Variants in MKRN2OS observed in about 807,000 individuals in gnomAD.
MKRN2OS encodes the protein MKRN2 opposite strand.
A neutral mutation model predicts 18.2 loss-of-function variants in MKRN2OS; 17 were observed. The observed-to-expected ratio is 0.93, with a 90% confidence interval of 0.64 to 1.40. The LOEUF (loss-of-function observed/expected upper bound fraction) is 1.40. MKRN2OS is among the 40% of genes most tolerant of loss of function. MKRN2OS has a pLI of 0.00. For missense variants in MKRN2OS, 337 were observed against 283.0 expected (o/e 1.19, Z -1.37); for synonymous variants, 121 against 108.5 (o/e 1.12, Z -0.72).
At chr3:12,544,089 A>G (rs1249672373) in intron 1 of MKRN2OS, among the ~76,000 whole-genome samples, 2 of 152,110 alleles carry the variant, frequency 1.3e-5, no homozygotes, top group Non-Finnish European at 2.9e-5. Flanking sequence ...CAGTATGACC[A>G]AAACCTTTTA....
chr3:12,541,416 A>G (rs912847965), intron 3 of MKRN2OS, among the ~76,000 whole-genome samples: 24 of 152,106 alleles, frequency 1.6e-4, no homozygotes, highest in Non-Finnish European at 4.4e-5. Flanking sequence ...ACGGGGTTTT[A>G]CCATGTTGTC....
intron 1 of MKRN2OS, among the ~76,000 whole-genome samples, chr3:12,544,358 T>C (rs2057856987): frequency 1.3e-5 from 2 of 152,038 alleles, no homozygotes. Context: ...CCTAATCCTA[T>C]TGGTAAACTC....
At chr3:12,540,514 G>T in intron 3 of MKRN2OS, 81 bp from the exon 4 acceptor site, 1 of 1,507,344 alleles carries the variant, frequency 6.6e-7, no homozygotes, top group Non-Finnish European at 8.9e-7. Context: ...TTTCCTAACT[G>T]AAATCGGGTG....
chr3:12,559,824 A>G (rs932703069), intron 1 of MKRN2OS, among the ~76,000 whole-genome samples: 3 of 152,188 alleles, frequency 2.0e-5, no homozygotes, highest in Non-Finnish European at 4.4e-5. Context: ...ATTATAGCTT[A>G]GTAACCAGTT....
chr3:12,558,465 C>T (rs2058003775), intron 1 of MKRN2OS, among the ~76,000 whole-genome samples: 1 of 152,140 alleles, frequency 6.6e-6, no homozygotes, highest in African/African-American at 2.4e-5. Context: ...TGTATTCCTC[C>T]CCTCGCTCTA....
Position 12,540,160 on chromosome 3 carries a change from C to T in MKRN2OS, c.*33G>A, listed in dbSNP as rs1397154339. 2.0e-6 allele frequency: 3 copies of T among 1,535,820 alleles called. No homozygotes were observed. Among genetic ancestry groups the T allele is most frequent in the South Asian group, 2.4e-5 (2 of 84,050 alleles). ...CTGATTAAAGGTAGCAACCACCCTA[C>T]CCTCCAGCGTCCAGGCTGCGCTTAC... On this transcript the variant is annotated 3_prime_UTR_variant, in exon 4 of 4. Transcript: ENST00000564146.
At chr3:12,546,118 T>G (rs1437563969), upstream of MKRN2OS, among the ~76,000 whole-genome samples, 1 of 152,210 alleles carries the variant, frequency 6.6e-6, no homozygotes, top group African/African-American at 2.4e-5. Context: ...TCATTTAGTT[T>G]TGTTTCTCCC....
exon 2 of MKRN2OS, chr3:12,553,770 T>C (rs934217997): frequency 6.6e-6 from 1 of 152,158 alleles, no homozygotes; most frequent in African/African-American, 2.4e-5. Context: ...AGAAAATCGA[T>C]AACTAACTAC....
chr3:12,545,578 G>C, upstream of MKRN2OS: 1 of 798,336 alleles, frequency 1.3e-6, no homozygotes, highest in Non-Finnish European at 1.9e-6. Flanking sequence ...ATGTCATCCT[G>C]ACTGATGGCT....
intron 2 of MKRN2OS, among the ~76,000 whole-genome samples, chr3:12,542,733 AAC>A (rs1491514712): frequency 6.7e-6 from 1 of 148,812 alleles, no homozygotes; most frequent in Admixed American, 6.8e-5. Context: ...AAAAAAAAAA[AAC>A]ACTGCAGGCC....
At chr3:12,546,575 A>ATTTTTTTTTTTTTTTTTTTTTTTTTT (rs1160434615), upstream of MKRN2OS, among the ~76,000 whole-genome samples, 3 of 97,130 alleles carry the variant, frequency 3.1e-5, no homozygotes, top group African/African-American at 9.3e-5. Flanking sequence ...GGTACATGGG[A>ATTTTTTTTTTTTTTTTTTTTTTTTTT]TTTTTTTTTT....
chr3:12,553,466 C>T (rs998922546), downstream of MKRN2OS, among the ~76,000 whole-genome samples: 8 of 151,676 alleles, frequency 5.3e-5, no homozygotes, highest in African/African-American at 1.9e-4. Flanking sequence ...AAGATGTGTT[C>T]ATGGTAAAAA....
At chr3:12,556,657 G>A (rs1361324329) in intron 1 of MKRN2OS, among the ~76,000 whole-genome samples, 1 of 152,136 alleles carries the variant, frequency 6.6e-6, no homozygotes, top group East Asian at 1.9e-4. Context: ...TGGGAGGCGA[G>A]GTCCGGCGGG....
At position 12,545,422 on chromosome 3, in the gene MKRN2OS, G is replaced by A. The variant is rs1442690003; in HGVS notation, c.43C>T (p.His15Tyr). The A allele has an allele frequency of 2.6e-6, 4 of 1,534,952 alleles. No homozygotes were observed. Among genetic ancestry groups the A allele is most frequent in the South Asian group, 1.2e-5 (1 of 83,956 alleles). Reference protein sequence around the residue: ...EAGKALIKFNHCEKYIYSFSV... With the variant: ...EAGKALIKFNYCEKYIYSFSV... The stretch of plus-strand genomic sequence containing the variant: ...AAGCTGTAGATGTATTTCTCACAGT[G>A]GTTGAATTTAATTAAAGCCTTCCCA... The change falls in exon 1 of 4, where the codon CAC (histidine) becomes TAC (tyrosine). Residue 15 changes from histidine (H) to tyrosine (Y), a missense_variant. By Grantham distance (83) the His-to-Tyr change is moderately conservative. Transcript: ENST00000564146.
chr3:12,550,640 G>T (rs1448152555), downstream of MKRN2OS, among the ~76,000 whole-genome samples: 2 of 152,056 alleles, frequency 1.3e-5, no homozygotes, highest in African/African-American at 2.4e-5. Flanking sequence ...TTTCATTCCT[G>T]CTCTGAAGCT....
At position 12,543,220 on chromosome 3, in the gene MKRN2OS, A is replaced by G. The variant is rs922211182; in HGVS notation, c.228T>C (p.Asp76=). ...TTCCAACATGAAGATCAGACCTTCC[A>G]TCATACTCTCTGAAAGAAACAAGGT... The part of the protein sequence containing the change: ...PTQGTFLREY[D]GRSDLHVGIT... The change falls in exon 2 of 4, where the codon GAT becomes GAC. Residue 76 remains aspartate (D), a synonymous_variant. Coordinates refer to ENST00000564146, the MANE Select transcript of MKRN2OS (RefSeq NM_001195279.2). The G allele has an allele frequency of 1.3e-6, 2 of 1,535,232 alleles. No individual in the cohort carries two copies. The highest frequency in any genetic ancestry group is 1.7e-6 in the Non-Finnish European group (2 of 1,146,604).
At chr3:12,557,210 T>C in intron 1 of MKRN2OS, 1 of 1,530,908 alleles carries the variant, frequency 6.5e-7, no homozygotes, top group Non-Finnish European at 8.8e-7. Flanking sequence ...TTCGGGCCGC[T>C]CCCCCAGGCC....
At chr3:12,544,372 G>A (rs1164191733) in intron 1 of MKRN2OS, among the ~76,000 whole-genome samples, 2 of 152,022 alleles carry the variant, frequency 1.3e-5, no homozygotes, top group Admixed American at 6.6e-5. Context: ...TAAACTCCAC[G>A]GGGACAATAA....
chr3:12,545,181 C>T, intron 1 of MKRN2OS, 66 bp downstream of exon 1: 1 of 1,302,256 alleles, frequency 7.7e-7, no homozygotes, highest in African/African-American at 1.5e-5. Context: ...GAAAAGGAAA[C>T]TTTAGTGACT....
Sources: gnomAD v4.1 joint callset for allele counts (sites outside exome capture counted in the v4.1 genomes callset) on GRCh38, gnomAD v4.1.1 for gene constraint, MANE v1.5 for transcripts, NCBI Gene and HGNC (gene_info 2026-07-23, HGNC 2026-07-21) for gene names.